Variants in AGO1 observed in about 807,000 individuals in gnomAD.
AGO1 encodes the protein argonaute RISC component 1.
Under a neutral mutation model 109.2 loss-of-function variants are expected in AGO1, and 11 were observed. The observed-to-expected ratio is 0.10, with a 90% confidence interval of 0.06 to 0.17. The LOEUF (loss-of-function observed/expected upper bound fraction) is 0.17. Among genes scored for constraint, AGO1 ranks in the 10% least tolerant of loss-of-function variants. The pLI is 1.00. For synonymous variants in AGO1, 422 were observed against 418.6 expected (o/e 1.01, Z -0.10); for missense variants, 574 against 1,140.3 (o/e 0.50, Z 7.15).
upstream of AGO1, among the ~76,000 whole-genome samples, chr1:35,879,734 CAAA>C (rs71034705): frequency 0.033 from 1,868 of 57,240 alleles, 7 homozygotes; most frequent in Middle Eastern, 0.042. Context: ...GGTTCTGTCT[CAAA>C]AAAAAAAAAA....
At position 35,883,230 on chromosome 1, in the gene AGO1, C is replaced by T; in HGVS notation, c.-192C>T. The stretch of plus-strand genomic sequence containing the variant: ...GCGCACTGGCAGCTGGCCGGGCGCT[C>T]GCAGTGGGAGCTGCTGCAGGCTCCG... On this transcript the variant is annotated 5_prime_UTR_variant, in exon 1 of 19. Coordinates refer to ENST00000373204, the MANE Select transcript of AGO1 (RefSeq NM_012199.5). The surrounding 1 kb of genome is among the most constrained non-coding windows in gnomAD (Gnocchi z 5.4). The T allele has an allele frequency of 2.4e-6, 3 of 1,234,118 alleles. No homozygotes were observed. The highest frequency in any genetic ancestry group is 3.0e-6 in the Non-Finnish European group (3 of 984,606). 76.4% of individuals were successfully genotyped at this position (1,234,118 alleles called of 1,614,324 possible).
Position 35,901,092 on chromosome 1 carries a change from T to C in AGO1, c.1021-382T>C, listed in dbSNP as rs1300336109. Among the ~76,000 whole-genome samples the C allele has an allele frequency of 6.6e-6, 1 of 151,660 alleles. No individual in the cohort carries two copies. Among genetic ancestry groups the C allele is most frequent in the Non-Finnish European group, 1.5e-5 (1 of 67,936 alleles). On this transcript the variant is annotated intron_variant, in intron 8 of 18. Transcript: ENST00000373204. The surrounding 1 kb of genome is among the most constrained non-coding windows in gnomAD (Gnocchi z 4.8). Reference sequence around the variant, plus strand: ...CGCCTCCCGGTTCAAGCGATTCTTGTTCCTCAGCCTCCTGAGTAGCTGGGA... The same window carrying C: ...CGCCTCCCGGTTCAAGCGATTCTTGCTCCTCAGCCTCCTGAGTAGCTGGGA...
chr1:35,905,747 AG>A (rs1231407888), intron 11 of AGO1, among the ~76,000 whole-genome samples: 23 of 152,190 alleles, frequency 1.5e-4, no homozygotes, highest in African/African-American at 5.3e-4. Flanking sequence ...CTGAGATTAC[AG>A]GTGTGAGCCA....
chr1:35,904,192 G>A (rs1005346730), intron 11 of AGO1, among the ~76,000 whole-genome samples: 1 of 135,558 alleles, frequency 7.4e-6, no homozygotes, highest in Admixed American at 8.3e-5. Flanking sequence ...TGCAAGCTCC[G>A]CCTTCCGGGT....
In AGO1 at chr1:35,907,091, C is replaced by T. The variant is rs1401160206; in HGVS notation, c.1554C>T (p.Val518=). 1.9e-6 allele frequency: 3 copies of T among 1,613,658 alleles called. No individual in the cohort carries two copies. Among genetic ancestry groups the T allele is most frequent in the African/African-American group, 2.7e-5 (2 of 74,890 alleles). Residue 518 remains valine, a synonymous_variant, in exon 12 of 19, where the codon GTC becomes GTT. Coordinates refer to ENST00000373204, the MANE Select transcript of AGO1 (RefSeq NM_012199.5). ...NTYSGLQLII[V]ILPGKTPVYA... ...ACTCAGGGCTGCAGCTCATTATTGTCATCCTGCCAGGGAAGACGCCGGTGT... is the reference window on the plus strand; with the variant it reads ...ACTCAGGGCTGCAGCTCATTATTGTTATCCTGCCAGGGAAGACGCCGGTGT...
At chr1:35,875,712 G>A (rs1644987312) in intron 1 of AGO1, among the ~76,000 whole-genome samples, 1 of 152,012 alleles carries the variant, frequency 6.6e-6, no homozygotes, top group Admixed American at 6.6e-5. Context: ...GTGCCCAGCT[G>A]GTTCACTAAA....
At position 35,921,659 on chromosome 1, in the gene AGO1, ATC is replaced by A. The variant is rs1341276282; in HGVS notation, c.*2054_*2055del. The A allele has an allele frequency of 2.6e-5, 4 of 152,714 alleles. No homozygotes were observed. Among genetic ancestry groups the A allele is most frequent in the Non-Finnish European group, 5.9e-5 (4 of 68,086 alleles). 9.5% of individuals were successfully genotyped at this position (152,714 alleles called of 1,614,324 possible). The stretch of plus-strand genomic sequence containing the variant: ...TGACCCGGATTTGCTATGCAAAACA[ATC>A]TATCCCAGGTTCTGTTCTGGTTGGC... On this transcript the variant is annotated 3_prime_UTR_variant, in exon 19 of 19. Transcript: ENST00000373204.
chr1:35,898,481 C>G (rs1645360138), intron 8 of AGO1, among the ~76,000 whole-genome samples: 1 of 152,162 alleles, frequency 6.6e-6, no homozygotes, highest in Non-Finnish European at 1.5e-5. Flanking sequence ...TGGTCTCGAT[C>G]TCCTGACTCA....
rs1645992383 is a variant in AGO1 at position 35,929,394 on chromosome 1, C to A, written c.*9787C>A. On this transcript the variant is annotated 3_prime_UTR_variant, in exon 19 of 19. Transcript: ENST00000373204. ...TCTGCTCCATCAATGTTGAAAAAGA[C>A]TAGCCCACCCCAAAGGTTTATCACT... is the stretch of plus-strand genomic sequence containing the variant. 6.6e-6 allele frequency: 1 copy of A among 152,216 alleles called. No individual in the cohort carries two copies. Among genetic ancestry groups the A allele is most frequent in the Non-Finnish European group, 1.5e-5 (1 of 68,048 alleles). The allele number at this position is 152,216 out of a possible 1,614,324, so 9.4% of individuals were successfully genotyped here. A position where few individuals can be genotyped will look rare whatever the true frequency, so the allele number is the denominator to read the frequency against.
At chr1:35,887,681 C>T (rs1455996651) in intron 1 of AGO1, among the ~76,000 whole-genome samples, 3 of 151,988 alleles carry the variant, frequency 2.0e-5, no homozygotes, top group African/African-American at 7.3e-5. Context: ...ATCATTGTCT[C>T]CCCAGTTGCT....
chr1:35,917,452 C>G (rs1345145425), intron 15 of AGO1, 141 bp from the exon 16 acceptor site: 1 of 957,638 alleles, frequency 1.0e-6, no homozygotes, highest in Non-Finnish European at 1.5e-6. Flanking sequence ...CCTGTCATCT[C>G]TAATTGTTGA....
intron 1 of AGO1, among the ~76,000 whole-genome samples, chr1:35,874,248 G>C (rs1431035444): frequency 6.6e-6 from 1 of 152,174 alleles, no homozygotes; most frequent in Non-Finnish European, 1.5e-5. Context: ...GCTCACTGCA[G>C]CCTTGACCTC....
At position 35,906,829 on chromosome 1, in the gene AGO1, A is replaced by T. The variant is rs1028458722; in HGVS notation, c.1398-106A>T. 4 of 940,240 alleles carry T rather than the reference A, an allele frequency of 4.3e-6. No individual in the cohort carries two copies. The African/African-American group carries it at 6.7e-5, about 16-fold the overall frequency. The allele number at this position is 940,240 out of a possible 1,614,324, so 58.2% of individuals were successfully genotyped here. A position where few individuals can be genotyped will look rare whatever the true frequency, so the allele number is the denominator to read the frequency against. On this transcript the variant is annotated intron_variant, in intron 11 of 18. Coordinates refer to ENST00000373204, the MANE Select transcript of AGO1 (RefSeq NM_012199.5). ...CAAGGAAAAAAAAAAAAAAAAACCAATCTCTCAGTGCCTCTTATAGTGCTA... is the reference window on the plus strand; with the variant it reads ...CAAGGAAAAAAAAAAAAAAAAACCATTCTCTCAGTGCCTCTTATAGTGCTA...
At position 35,919,866 on chromosome 1, in the gene AGO1, AC is replaced by A. The variant is rs878964846; in HGVS notation, c.*261del. 2.1e-6 allele frequency: 1 copy of A among 478,206 alleles called. No individual in the cohort carries two copies. Among genetic ancestry groups the A allele is most frequent in the South Asian group, 3.0e-5 (1 of 32,832 alleles). The allele number at this position is 478,206 out of a possible 1,614,324, so 29.6% of individuals were successfully genotyped here. A position where few individuals can be genotyped will look rare whatever the true frequency, so the allele number is the denominator to read the frequency against. On this transcript the variant is annotated 3_prime_UTR_variant, in exon 19 of 19. Transcript: ENST00000373204. This position sits in a 1 kb window ranked among gnomAD's most constrained non-coding sequence, Gnocchi z 6.6. ...TCACATCTGGCCCTGACCCCACTGGACCAAAAGGGGCAGCACTGGTGCCCAC... is the reference window on the plus strand; with the variant it reads ...TCACATCTGGCCCTGACCCCACTGGACAAAAGGGGCAGCACTGGTGCCCAC...
chr1:35,870,428 C>T (rs1339485344), intron 1 of AGO1, among the ~76,000 whole-genome samples: 3 of 151,908 alleles, frequency 2.0e-5, no homozygotes, highest in Non-Finnish European at 4.4e-5. Flanking sequence ...GGACTATAGG[C>T]GCCCGCCACC....
intron 1 of AGO1, among the ~76,000 whole-genome samples, chr1:35,885,770 G>T (rs1645110905): frequency 6.6e-6 from 1 of 152,248 alleles, no homozygotes; most frequent in South Asian, 2.1e-4. Context: ...TGGTTTATTT[G>T]TAGAACTAGC....
In AGO1 at chr1:35,919,783, C is replaced by A. The variant is rs372514513; in HGVS notation, c.*176C>A. ...TGGGGAACAGGGCCAGCAAGACAGA[C>A]CACCAGCCAGAAATCTCTGATATCA... On this transcript the variant is annotated 3_prime_UTR_variant, in exon 19 of 19. Coordinates refer to ENST00000373204, the MANE Select transcript of AGO1 (RefSeq NM_012199.5). This position sits in a 1 kb window ranked among gnomAD's most constrained non-coding sequence, Gnocchi z 6.6. The A allele has an allele frequency of 1.7e-6, 1 of 590,736 alleles. No homozygotes were observed. The highest frequency in any genetic ancestry group is 3.0e-6 in the Non-Finnish European group (1 of 336,898). The allele number at this position is 590,736 out of a possible 1,614,324, so 36.6% of individuals were successfully genotyped here. A position where few individuals can be genotyped will look rare whatever the true frequency, so the allele number is the denominator to read the frequency against.
At chr1:35,879,165 AG>A (rs1447587389), upstream of AGO1, among the ~76,000 whole-genome samples, 10 of 152,330 alleles carry the variant, frequency 6.6e-5, no homozygotes, top group Non-Finnish European at 1.3e-4. Flanking sequence ...AGTAAAATGC[AG>A]GGGCTGAGCA....
Position 35,927,094 on chromosome 1 carries a change from C to T in AGO1, c.*7487C>T, listed in dbSNP as rs1645945167. Reference sequence around the variant, plus strand: ...TTTTAGCCAGGTTTTTGGAAAAGGCCTGTGGGCTATTAATGAGAGTGAGCT... The same window carrying T: ...TTTTAGCCAGGTTTTTGGAAAAGGCTTGTGGGCTATTAATGAGAGTGAGCT... On this transcript the variant is annotated 3_prime_UTR_variant, in exon 19 of 19. Coordinates refer to ENST00000373204, the MANE Select transcript of AGO1 (RefSeq NM_012199.5). 1 of 151,942 alleles carries T rather than the reference C, an allele frequency of 6.6e-6. No individual in the cohort carries two copies. The highest frequency in any genetic ancestry group is 2.4e-5 in the African/African-American group (1 of 41,362). The allele number at this position is 151,942 out of a possible 1,614,324, so 9.4% of individuals were successfully genotyped here. A position where few individuals can be genotyped will look rare whatever the true frequency, so the allele number is the denominator to read the frequency against.
Sources: allele counts gnomAD v4.1 joint callset (sites outside exome capture counted in the v4.1 genomes callset), GRCh38; gene constraint gnomAD v4.1.1; non-coding constraint Gnocchi (gnomAD v3.1); transcripts MANE v1.5; gene names NCBI Gene and HGNC (gene_info 2026-07-23, HGNC 2026-07-21).